The following TRMT44 variants were observed in gnomAD, a reference collection of about 807,000 sequenced individuals.
TRMT44 encodes tRNA methyltransferase 44 homolog.
A neutral mutation model predicts 77.3 loss-of-function variants in TRMT44; 78 were observed. That is an observed-to-expected ratio of 1.01 (90% CI 0.84 to 1.22). TRMT44 has a LOEUF of 1.22. Ranked by LOEUF, TRMT44 falls within the 50% of genes most tolerant of loss-of-function variation. The probability of loss-of-function intolerance (pLI) is 0.00; values close to 1 mark genes in which losing one functional copy is unlikely to be tolerated. For synonymous variants in TRMT44, 391 were observed against 383.3 expected (o/e 1.02, Z -0.23); for missense variants, 1,090 against 964.4 (o/e 1.13, Z -1.73).
rs533210696 is a variant in TRMT44 at position 8,476,478 on chromosome 4, T to G, written c.*477T>G. The G allele has an allele frequency of 3.3e-4, 54 of 162,950 alleles. 2 individuals carry two copies. Among genetic ancestry groups the G allele is most frequent in the Non-Finnish European group, 5.5e-4 (41 of 74,030 alleles). 10.1% of individuals were successfully genotyped at this position (162,950 alleles called of 1,614,324 possible). On this transcript the variant is annotated 3_prime_UTR_variant, in exon 11 of 11. Transcript: ENST00000389737. ...AGCAGGGATCCACCAGATTGGTATTTTTAAAAAAGGTGTCAGGCTTGCTAT... is the reference window on the plus strand; with the variant it reads ...AGCAGGGATCCACCAGATTGGTATTGTTAAAAAAGGTGTCAGGCTTGCTAT...
intron 6 of TRMT44, 87 bp from the exon 7 acceptor site, chr4:8,463,898 A>G: frequency 9.0e-7 from 1 of 1,110,392 alleles, no homozygotes; most frequent in Non-Finnish European, 1.3e-6. Context: ...GTGACTCCAG[A>G]GCCTGTACCC....
intron 2 of TRMT44, among the ~76,000 whole-genome samples, chr4:8,481,653 C>G (rs1408550251): frequency 6.6e-6 from 1 of 152,176 alleles, no homozygotes; most frequent in Admixed American, 6.5e-5. Context: ...ATCAGCTTTT[C>G]TCTTTATGCT....
the TRMT44 span, among the ~76,000 whole-genome samples, chr4:8,499,488 C>T: frequency 1.3e-3 from 196 of 149,150 alleles, 2 homozygotes; most frequent in African/African-American, 4.0e-3. Flanking sequence ...ATTTTGGTTT[C>T]GTCTCTATTC....
chr4:8,441,223 A>T lies in TRMT44; in HGVS notation c.401A>T (p.Glu134Val). 6.5e-7 allele frequency: 1 copy of T among 1,535,452 alleles called. No individual in the cohort carries two copies. Among genetic ancestry groups the T allele is most frequent in the Non-Finnish European group, 8.7e-7 (1 of 1,146,530 alleles). The change falls in exon 1 of 11, where the codon GAG (glutamate) becomes GTG (valine). Residue 134 changes from glutamate (E) to valine (V), a missense_variant. Coordinates refer to ENST00000389737, the MANE Select transcript of TRMT44 (RefSeq NM_152544.3). ...SGHPGHAEGR[E>V]GDFPAADLDS... ...CACCCCGGCCATGCTGAAGGAAGGG[A>T]GGGCGACTTCCCCGCCGCAGATCTG... is the stretch of plus-strand genomic sequence containing the variant.
chr4:8,488,468 G>A (rs1399671083), intron 2 of TRMT44, among the ~76,000 whole-genome samples: 2 of 152,238 alleles, frequency 1.3e-5, no homozygotes, highest in Non-Finnish European at 1.5e-5. Flanking sequence ...GGGTCGCAAG[G>A]TGCTCCGTGG....
intron 9 of TRMT44, chr4:8,468,683 C>T: frequency 1.9e-6 from 1 of 517,156 alleles, no homozygotes; most frequent in East Asian, 3.1e-5. Flanking sequence ...AAGCAAAATG[C>T]ACTGTCCCCT....
chr4:8,511,548 C>T, the TRMT44 span, among the ~76,000 whole-genome samples: 203 of 152,248 alleles, frequency 1.3e-3, 2 homozygotes, highest in African/African-American at 4.3e-3. Flanking sequence ...AGCCACTATC[C>T]GGAATGTCAA....
At chr4:8,496,944 G>A (rs1271318699), downstream of TRMT44, among the ~76,000 whole-genome samples, 1 of 151,986 alleles carries the variant, frequency 6.6e-6, no homozygotes, top group East Asian at 1.9e-4. Flanking sequence ...TTATTCTGAG[G>A]CAGAAATTAA....
intron 2 of TRMT44, among the ~76,000 whole-genome samples, chr4:8,482,012 C>T (rs1257462025): frequency 6.6e-6 from 1 of 152,210 alleles, no homozygotes; most frequent in Non-Finnish European, 1.5e-5. Flanking sequence ...AGAAAGCCTT[C>T]CGTGTTGAGG....
downstream of TRMT44, among the ~76,000 whole-genome samples, chr4:8,496,485 C>T (rs893276874): frequency 3.9e-5 from 6 of 152,162 alleles, no homozygotes; most frequent in Middle Eastern, 3.2e-3. Context: ...ATCTCAAGCC[C>T]GCCCCATGCA....
chr4:8,450,357 A>G (rs1725359856), intron 3 of TRMT44, among the ~76,000 whole-genome samples: 1 of 152,126 alleles, frequency 6.6e-6, no homozygotes, highest in Non-Finnish European at 1.5e-5. Flanking sequence ...CAGATATATA[A>G]TGGAAAAGGA....
intron 9 of TRMT44, among the ~76,000 whole-genome samples, chr4:8,468,912 G>T (rs114512710): frequency 6.6e-6 from 1 of 152,182 alleles, no homozygotes; most frequent in Non-Finnish European, 1.5e-5. Context: ...GCCTCCTTCC[G>T]GGCAGGGATG....
At chr4:8,489,945 C>G (rs1316587992) in intron 2 of TRMT44, among the ~76,000 whole-genome samples, 3 of 152,208 alleles carry the variant, frequency 2.0e-5, no homozygotes, top group Non-Finnish European at 4.4e-5. Flanking sequence ...TCCCCAATTA[C>G]TCCTGAAAAT....
the TRMT44 span, chr4:8,512,201 G>A: frequency 1.3e-5 from 2 of 151,942 alleles, no homozygotes; most frequent in African/African-American, 4.8e-5. Context: ...TGAGTAGCTG[G>A]GGCTACAGGC....
rs149894820 is a variant in TRMT44 at position 8,468,049 on chromosome 4, C to T, written c.1630C>T (p.Arg544Cys). The T allele has an allele frequency of 1.2e-3, 1,950 of 1,613,952 alleles. 15 individuals carry two copies. The highest frequency in any genetic ancestry group is 6.9e-3 in the South Asian group (632 of 91,080). ...TGGCTGGGAGCTTTCCCCTTCTCCA[C>T]GCTGGGTTGCTGCTGGCAGTGCTGG... ...PPGWELSPSP[R>C]WVAAGSAGHC... The change falls in exon 9 of 11, where the codon CGC becomes TGC. Residue 544 changes from arginine (R) to cysteine (C), a missense_variant. Physicochemically the swap from Arg to Cys is radical, Grantham distance 180. Transcript: ENST00000389737.
At chr4:8,465,983 T>G (rs528334293) in intron 8 of TRMT44, among the ~76,000 whole-genome samples, 1 of 152,358 alleles carries the variant, frequency 6.6e-6, no homozygotes, top group South Asian at 2.1e-4. Context: ...AAGGCCTAGT[T>G]CATTCAGATT....
chr4:8,461,051 A>G lies in TRMT44; in HGVS notation c.1204-2934A>G, dbSNP rs899281412. Among the ~76,000 whole-genome samples the G allele has an allele frequency of 2.6e-5, 4 of 151,488 alleles. No individual in the cohort carries two copies. Among genetic ancestry groups the G allele is most frequent in the African/African-American group, 7.3e-5 (3 of 41,202 alleles). On this transcript the variant is annotated intron_variant, in intron 6 of 10. Transcript: ENST00000389737. The surrounding 1 kb of genome is among the most constrained non-coding windows in gnomAD (Gnocchi z 4.6). ...TTTTTTGTTGAAACAGGGTCTTCCTATGTTGCCCAGGCTGGTCTCAAACTC... is the reference window on the plus strand; with the variant it reads ...TTTTTTGTTGAAACAGGGTCTTCCTGTGTTGCCCAGGCTGGTCTCAAACTC...
At position 8,465,380 on chromosome 4, in the gene TRMT44, C is replaced by T. The variant is rs990726640; in HGVS notation, c.1313C>T (p.Ser438Phe). 9 of 1,608,790 alleles carry T rather than the reference C, an allele frequency of 5.6e-6. No homozygotes were observed. The Admixed American group carries it at 1.4e-4, about 24-fold the overall frequency. Reference protein sequence around the residue: ...TPWIPVIAARSSYNCRFFVLP... With the variant: ...TPWIPVIAARFSYNCRFFVLP... ...GTGGTTGTTGGTTCTTTTTGAAGGT[C>T]TTCCTACAATTGCCGCTTCTTTGTC... The change falls in exon 8 of 11, where the codon TCT becomes TTT. Residue 438 changes from serine (S) to phenylalanine (F), a missense_variant and splice_region_variant. By Grantham distance (155) the Ser-to-Phe change is radical. Coordinates refer to ENST00000389737, the MANE Select transcript of TRMT44 (RefSeq NM_152544.3).
chr4:8,497,157 G>GA (rs1472015689), downstream of TRMT44, among the ~76,000 whole-genome samples: 1 of 130,108 alleles, frequency 7.7e-6, no homozygotes, highest in Non-Finnish European at 1.7e-5. Context: ...GAGCAAGGTT[G>GA]AGGGAAAAAA....
Sources: gnomAD v4.1 joint callset for allele counts (sites outside exome capture counted in the v4.1 genomes callset) on GRCh38, gnomAD v4.1.1 for gene constraint, Gnocchi (gnomAD v3.1) non-coding constraint, MANE v1.5 for transcripts, NCBI Gene and HGNC (gene_info 2026-07-23, HGNC 2026-07-21) for gene names.